COL25A1: variants seen among roughly 807,000 people sequenced by gnomAD.
The protein encoded by COL25A1 is collagen alpha-1(XXV) chain.
COL25A1 carries 103 observed loss-of-function variants against 128.4 expected under a neutral mutation model. The ratio of observed to expected loss-of-function variants is 0.80; its 90% CI spans 0.68 to 0.94. The LOEUF (loss-of-function observed/expected upper bound fraction) is 0.94, where lower values mean the gene tolerates loss of function less well. COL25A1 is among the 40% of genes least tolerant of loss of function. COL25A1 has a pLI of 0.00. For missense variants in COL25A1, 745 were observed against 840.0 expected, an observed-to-expected ratio of 0.89 and a Z score of 1.40; for synonymous variants, 279 against 277.2, an observed-to-expected ratio of 1.01 and a Z score of -0.06.
chr4:109,065,530 GCA>G (rs1204124125), intron 3 of COL25A1, among the ~76,000 whole-genome samples: 21 of 125,998 alleles, frequency 1.7e-4, no homozygotes, highest in Admixed American at 4.0e-4. Flanking sequence ...TTTTGGTGCA[GCA>G]CGCGCGCGCG....
At chr4:108,943,815 CCTTT>C (rs1560907595) in intron 8 of COL25A1, among the ~76,000 whole-genome samples, 2 of 121,550 alleles carry the variant, frequency 1.6e-5, no homozygotes, top group Admixed American at 1.6e-4. Flanking sequence ...GCCTTTTATT[CCTTT>C]TTTTCAAAAA....
At position 108,859,674 on chromosome 4, in the gene COL25A1, G is replaced by A. The variant is rs576569866; in HGVS notation, c.1302C>T (p.Asn434=). The change falls in exon 24 of 38, where the codon AAC becomes AAT. Residue 434 remains asparagine, a synonymous_variant. Transcript: ENST00000399132. ...CACTTGCCTGTAAGGCTTCGTGGAG[G>A]TTGCCGTTGTAGTCTATGATCTCAG... ...GATEIIDYNG[N]LHEALQRITT... The A allele has an allele frequency of 6.2e-7, 1 of 1,613,774 alleles. No individual in the cohort carries two copies.
Position 109,301,924 on chromosome 4 carries a change from G to C in COL25A1, c.96C>G (p.Pro32=). The C allele has an allele frequency of 6.2e-7, 1 of 1,614,034 alleles. No homozygotes were observed. Among genetic ancestry groups the C allele is most frequent in the Non-Finnish European group, 8.5e-7 (1 of 1,180,046 alleles). ...GGAGGGCCGCCAGGACGGCACACGG[G>C]GGCATGGTCCGGGCACAATGCTGTT... ...PAEQHCARTM[P]PCAVLAALLS... The change falls in exon 2 of 38, where the codon CCC becomes CCG. Residue 32 remains proline, a synonymous_variant. Coordinates refer to ENST00000399132, the MANE Select transcript of COL25A1 (RefSeq NM_198721.4).
chr4:109,296,596 T>G (rs1725015179), intron 3 of COL25A1, among the ~76,000 whole-genome samples: 1 of 152,122 alleles, frequency 6.6e-6, no homozygotes, highest in Non-Finnish European at 1.5e-5. Flanking sequence ...TTCAAAATCA[T>G]TCTTGTCCAG....
intron 3 of COL25A1, among the ~76,000 whole-genome samples, chr4:109,084,763 G>T (rs533051080): frequency 6.6e-6 from 1 of 152,254 alleles, no homozygotes; most frequent in East Asian, 1.9e-4. Flanking sequence ...GTATAAATCA[G>T]TAGTTTTCAC....
chr4:109,273,354 T>A (rs1387744159), intron 3 of COL25A1, among the ~76,000 whole-genome samples: 1 of 152,230 alleles, frequency 6.6e-6, no homozygotes, highest in Non-Finnish European at 1.5e-5. Flanking sequence ...TGCTAATAAT[T>A]GAACATTTTA....
intron 32 of COL25A1, among the ~76,000 whole-genome samples, chr4:108,830,489 A>G (rs1040890876): frequency 4.6e-5 from 7 of 152,220 alleles, no homozygotes; most frequent in African/African-American, 1.7e-4. Context: ...AGGAGAGTCC[A>G]GATGGCGCCT....
chr4:109,292,256 T>C (rs148179142), intron 3 of COL25A1, among the ~76,000 whole-genome samples: 178 of 152,224 alleles, frequency 1.2e-3, no homozygotes, highest in African/African-American at 4.1e-3. Context: ...GGGTTTCTCA[T>C]ATAATTTCAT....
intron 5 of COL25A1, among the ~76,000 whole-genome samples, chr4:109,032,603 C>A (rs1263706305): frequency 6.6e-6 from 1 of 152,176 alleles, no homozygotes; most frequent in African/African-American, 2.4e-5. Context: ...TTTATTTTAA[C>A]AGATAACATT....
chr4:109,033,825 T>A (rs1357238916), intron 5 of COL25A1, among the ~76,000 whole-genome samples: 2 of 152,152 alleles, frequency 1.3e-5, no homozygotes, highest in Admixed American at 6.5e-5. Context: ...AAATTTTTAT[T>A]CTTTCACTTG....
chr4:109,065,268 T>C (rs1166834406), intron 3 of COL25A1, among the ~76,000 whole-genome samples: 1 of 152,186 alleles, frequency 6.6e-6, no homozygotes, highest in Admixed American at 6.5e-5. Flanking sequence ...ACACTCCGTC[T>C]TTCTTGTGAG....
intron 3 of COL25A1, among the ~76,000 whole-genome samples, chr4:109,186,415 T>C (rs1363646583): frequency 6.6e-6 from 1 of 152,230 alleles, no homozygotes; most frequent in Non-Finnish European, 1.5e-5. Context: ...ATTATATAAA[T>C]GACAGTAATG....
At chr4:109,029,010 G>A (rs1758587458) in intron 5 of COL25A1, among the ~76,000 whole-genome samples, 1 of 152,180 alleles carries the variant, frequency 6.6e-6, no homozygotes, top group Non-Finnish European at 1.5e-5. Flanking sequence ...AGATTAGAGA[G>A]AGAGTGGGAA....
At chr4:108,926,808 A>G (rs1746112970) in intron 11 of COL25A1, among the ~76,000 whole-genome samples, 1 of 151,918 alleles carries the variant, frequency 6.6e-6, no homozygotes, top group South Asian at 2.1e-4. Context: ...AACTCTAGCC[A>G]CTATTATATG....
intron 19 of COL25A1, among the ~76,000 whole-genome samples, chr4:108,872,719 TAC>T (rs1339275280): frequency 7.9e-4 from 120 of 151,716 alleles, no homozygotes; most frequent in African/African-American, 2.6e-3. Context: ...TATACATATA[TAC>T]ACACACACAT....
At chr4:109,058,848 T>C (rs1761680896) in intron 3 of COL25A1, among the ~76,000 whole-genome samples, 1 of 152,128 alleles carries the variant, frequency 6.6e-6, no homozygotes. Flanking sequence ...GTAAAAATAC[T>C]CATAGAATAA....
chr4:109,018,574 G>C (rs757958940), intron 5 of COL25A1, among the ~76,000 whole-genome samples: 7 of 152,252 alleles, frequency 4.6e-5, no homozygotes, highest in South Asian at 2.1e-4. Flanking sequence ...GTTTGACCTA[G>C]AGTCTGTGCC....
intron 37 of COL25A1, among the ~76,000 whole-genome samples, chr4:108,815,516 G>C (rs1731164036): frequency 6.6e-6 from 1 of 152,116 alleles, no homozygotes; most frequent in Non-Finnish European, 1.5e-5. Flanking sequence ...ATTTGCATTT[G>C]TGTGTGTTGG....
At chr4:108,838,416 T>C (rs989364608) in intron 31 of COL25A1, among the ~76,000 whole-genome samples, 1 of 152,180 alleles carries the variant, frequency 6.6e-6, no homozygotes, top group African/African-American at 2.4e-5. Flanking sequence ...ACAATAAAAA[T>C]ATGTATGGTT....
Sources: gnomAD v4.1 joint callset for allele counts (sites outside exome capture counted in the v4.1 genomes callset) on GRCh38, gnomAD v4.1.1 for gene constraint, MANE v1.5 for transcripts, NCBI Gene and HGNC (gene_info 2026-07-23, HGNC 2026-07-21) for gene names.